SPATA6L: variants seen among roughly 807,000 people sequenced by gnomAD.
SPATA6L encodes spermatogenesis associated 6-like protein.
SPATA6L carries 68 observed loss-of-function variants against 49.2 expected under a neutral mutation model. That is an observed-to-expected ratio of 1.38 (90% CI 1.14 to 1.69). The LOEUF (loss-of-function observed/expected upper bound fraction) is 1.69. Ranked by LOEUF, SPATA6L falls within the 40% of genes most tolerant of loss-of-function variation. The pLI is 0.00. For synonymous variants in SPATA6L, 198 were observed against 165.7 expected (o/e 1.19, Z -1.50); for missense variants, 668 against 464.3 (o/e 1.44, Z -4.03).
At chr9:4,664,690 T>G (rs1241643902) in intron 1 of SPATA6L, 2 of 167,116 alleles carry the variant, frequency 1.2e-5, no homozygotes, top group African/African-American at 4.8e-5. Flanking sequence ...TTTTGGCATT[T>G]ATAAATAGAA....
chr9:4,665,099 TG>T (rs1840667754), intron 1 of SPATA6L: 4 of 167,134 alleles, frequency 2.4e-5, no homozygotes, highest in Admixed American at 1.3e-4. Flanking sequence ...CTGTTTTAGT[TG>T]CTGAGGCCTG....
intron 2 of SPATA6L, among the ~76,000 whole-genome samples, chr9:4,660,068 A>T (rs1839249138): frequency 6.6e-6 from 1 of 152,284 alleles, no homozygotes; most frequent in Non-Finnish European, 1.5e-5. Flanking sequence ...ACCTAAAACC[A>T]TAAAAACCCT....
chr9:4,597,205 C>G (rs931644579), downstream of SPATA6L, among the ~76,000 whole-genome samples: 1 of 152,002 alleles, frequency 6.6e-6, no homozygotes, highest in African/African-American at 2.4e-5. Context: ...GTAAGCCTAG[C>G]ATTTTGGGAG....
intron 3 of SPATA6L, among the ~76,000 whole-genome samples, chr9:4,637,504 T>A (rs1434471577): frequency 1.3e-5 from 2 of 152,198 alleles, no homozygotes; most frequent in African/African-American, 2.4e-5. Context: ...TTCTGTACAT[T>A]ATTCTACTGC....
intron 2 of SPATA6L, 119 bp downstream of exon 2, chr9:4,661,780 C>CT: frequency 7.3e-7 from 1 of 1,373,366 alleles, no homozygotes; most frequent in Non-Finnish European, 9.8e-7. Flanking sequence ...TGCTGAAGTG[C>CT]TTTCGGATAA....
intron 7 of SPATA6L, among the ~76,000 whole-genome samples, chr9:4,620,472 C>G (rs989612568): frequency 6.6e-6 from 1 of 152,212 alleles, no homozygotes; most frequent in Non-Finnish European, 1.5e-5. Flanking sequence ...CACCCCAGCC[C>G]TACTGAATCA....
downstream of SPATA6L, among the ~76,000 whole-genome samples, chr9:4,597,276 A>C (rs1211233946): frequency 6.6e-6 from 1 of 151,238 alleles, no homozygotes; most frequent in African/African-American, 2.4e-5. Flanking sequence ...ATATAGGGAG[A>C]CTCCTTCTCT....
chr9:4,626,746 T>C (rs891629995), intron 5 of SPATA6L: 6 of 343,670 alleles, frequency 1.7e-5, no homozygotes, highest in Admixed American at 7.8e-5. Context: ...AAAAGGAAAA[T>C]GAATGGCCAG....
chr9:4,627,918 C>T, intron 5 of SPATA6L: 4 of 736,080 alleles, frequency 5.4e-6, no homozygotes, highest in Non-Finnish European at 4.0e-6. Flanking sequence ...TAATGGAGTG[C>T]TATTCAGCCA....
chr9:4,622,650 A>G, intron 6 of SPATA6L, 140 bp from the exon 7 acceptor site: 1 of 596,668 alleles, frequency 1.7e-6, no homozygotes, highest in South Asian at 2.3e-5. Flanking sequence ...CCTAGAGCAC[A>G]GTCTGCAAGT....
At chr9:4,659,830 G>A (rs911201730) in intron 2 of SPATA6L, among the ~76,000 whole-genome samples, 1 of 152,116 alleles carries the variant, frequency 6.6e-6, no homozygotes, top group African/African-American at 2.4e-5. Context: ...CCAAAACAGA[G>A]ATACAGACCA....
intron 2 of SPATA6L, among the ~76,000 whole-genome samples, chr9:4,660,038 A>G (rs1810716607): frequency 6.6e-6 from 1 of 152,246 alleles, no homozygotes; most frequent in Admixed American, 6.5e-5. Context: ...TTCAAGATGG[A>G]TTAAAGACTT....
In SPATA6L at chr9:4,646,291, T is replaced by G. The variant is rs568577660; in HGVS notation, c.226+9750A>C. 2.9e-5 allele frequency: 11 copies of G among 382,210 alleles called. No homozygotes were observed. In the Admixed American group the frequency reaches 4.4e-4, roughly 15 times the overall value. 23.7% of individuals were successfully genotyped at this position (382,210 alleles called of 1,614,324 possible). A position where few individuals can be genotyped will look rare whatever the true frequency, so the allele number is the denominator to read the frequency against. On this transcript the variant is annotated intron_variant, in intron 3 of 11. Coordinates refer to ENST00000682582, the MANE Select transcript of SPATA6L (RefSeq NM_001353486.2). ...TTATGCTCCCTGCCATGAAACACCATAAAGTTATTATTCTGAAAATAGACA... is the reference window on the plus strand; with the variant it reads ...TTATGCTCCCTGCCATGAAACACCAGAAAGTTATTATTCTGAAAATAGACA...
At chr9:4,663,035 G>A (rs891425097) in intron 1 of SPATA6L, 3 of 1,613,916 alleles carry the variant, frequency 1.9e-6, no homozygotes, top group African/African-American at 1.3e-5. Flanking sequence ...GGGCCGCCCT[G>A]ATGTCGAGGT....
intron 2 of SPATA6L, among the ~76,000 whole-genome samples, chr9:4,660,802 C>G (rs574032419): frequency 3.3e-5 from 5 of 152,306 alleles, no homozygotes; most frequent in African/African-American, 1.2e-4. Flanking sequence ...CAGTGATAGA[C>G]TGGATTAAGA....
In SPATA6L at chr9:4,631,289, C is replaced by T. The variant is rs187882199; in HGVS notation, c.352-2121G>A. On this transcript the variant is annotated intron_variant, in intron 4 of 11. Transcript: ENST00000682582. ...TAAAAGGATTTAACATAATAAATAA[C>T]ACAATACATAAATAAAAATAATTTT... 2.9e-4 allele frequency among the ~76,000 whole-genome samples: 44 copies of T among 152,144 alleles called. No homozygotes were observed. The East Asian group carries it at 8.1e-3, about 28-fold the overall frequency.
Position 4,599,192 on chromosome 9 carries a change from C to G in SPATA6L, c.*1619G>C, listed in dbSNP as rs1322551633. Among the ~76,000 whole-genome samples the G allele has an allele frequency of 6.6e-6, 1 of 152,132 alleles. No individual in the cohort carries two copies. Among genetic ancestry groups the G allele is most frequent in the African/African-American group, 2.4e-5 (1 of 41,420 alleles). On this transcript the variant is annotated 3_prime_UTR_variant, in exon 12 of 12. Transcript: ENST00000682582. ...TTGACTGCACCCTGCCACATGCAGT[C>G]AGATGTGGAATTTTTCACTTATGGT...
At chr9:4,626,267 C>T in intron 5 of SPATA6L, 2 of 660,858 alleles carry the variant, frequency 3.0e-6, no homozygotes, top group Non-Finnish European at 4.2e-6. Context: ...CAGGACTAGC[C>T]CCATTGCACT....
At chr9:4,603,091 G>A (rs149022179) in intron 11 of SPATA6L, among the ~76,000 whole-genome samples, 1 of 152,186 alleles carries the variant, frequency 6.6e-6, no homozygotes, top group Non-Finnish European at 1.5e-5. Flanking sequence ...GAGTTGCCTT[G>A]TTACATGCAT....
Sources: allele counts gnomAD v4.1 joint callset (sites outside exome capture counted in the v4.1 genomes callset), GRCh38; gene constraint gnomAD v4.1.1; transcripts MANE v1.5; gene names NCBI Gene and HGNC (gene_info 2026-07-23, HGNC 2026-07-21).